Variants in SYNE1 observed in about 807,000 individuals in gnomAD.
The protein encoded by SYNE1 is spectrin repeat containing nuclear envelope protein 1.
Under a neutral mutation model 1,111.0 loss-of-function variants are expected in SYNE1, and 616 were observed. That is an observed-to-expected ratio of 0.55 (90% CI 0.52 to 0.59). SYNE1 has a LOEUF of 0.59. SYNE1 is among the 20% of genes least tolerant of loss of function. The pLI is 0.00. For synonymous variants in SYNE1, 3,855 were observed against 3,825.8 expected, an observed-to-expected ratio of 1.01 and a Z score of -0.28; for missense variants, 10,006 against 10,417.0, an observed-to-expected ratio of 0.96 and a Z score of 1.72.
intron 93 of SYNE1, among the ~76,000 whole-genome samples, chr6:152,294,712 A>T (rs1043211194): frequency 2.6e-5 from 4 of 152,214 alleles, no homozygotes; most frequent in Non-Finnish European, 5.9e-5. Flanking sequence ...TGCATTTCCT[A>T]AAAGTATACA....
At chr6:152,312,988 C>T (rs9479290) in intron 87 of SYNE1, among the ~76,000 whole-genome samples, 6,277 of 152,126 alleles carry the variant, frequency 0.041, 435 homozygotes, top group African/African-American at 0.14. Flanking sequence ...GATGAAAGAA[C>T]GGCTACTCCA....
At chr6:152,201,146 T>C (rs750241387) in intron 127 of SYNE1, among the ~76,000 whole-genome samples, 4 of 152,190 alleles carry the variant, frequency 2.6e-5, no homozygotes, top group Admixed American at 6.5e-5. Context: ...GATCAGCCTA[T>C]TGCTCAGCAA....
intron 18 of SYNE1, among the ~76,000 whole-genome samples, chr6:152,464,239 A>T (rs2098751696): frequency 6.6e-6 from 1 of 152,228 alleles, no homozygotes. Context: ...GTATGTGTGC[A>T]CACGCACACA....
intron 6 of SYNE1, among the ~76,000 whole-genome samples, chr6:152,516,865 T>C (rs145344439): frequency 2.0e-5 from 3 of 152,244 alleles, no homozygotes; most frequent in African/African-American, 4.8e-5. Context: ...GGATTAGAGG[T>C]GTGAGCCACT....
chr6:152,358,875 A>C (rs1349936082), intron 65 of SYNE1, among the ~76,000 whole-genome samples: 2 of 152,212 alleles, frequency 1.3e-5, no homozygotes, highest in African/African-American at 4.8e-5. Context: ...TGTGCCTTAA[A>C]TGAAGATTTG....
intron 3 of SYNE1, among the ~76,000 whole-genome samples, chr6:152,604,602 C>T (rs1469035331): frequency 6.6e-6 from 1 of 152,050 alleles, no homozygotes; most frequent in African/African-American, 2.4e-5. Flanking sequence ...CTGTGCCCAT[C>T]CCAGCTATTT....
intron 70 of SYNE1, among the ~76,000 whole-genome samples, chr6:152,351,034 T>C (rs1184310344): frequency 6.6e-6 from 1 of 152,204 alleles, no homozygotes; most frequent in Non-Finnish European, 1.5e-5. Flanking sequence ...CTAAATTAAA[T>C]ATAGTTTATA....
Position 152,234,087 on chromosome 6 carries a change from C to CA in SYNE1, c.20530-125dup. The CA allele has an allele frequency of 2.9e-6, 3 of 1,052,622 alleles. No homozygotes were observed. The South Asian group carries it at 4.1e-5, about 14-fold the overall frequency. 65.2% of individuals were successfully genotyped at this position (1,052,622 alleles called of 1,614,324 possible). A position where few individuals can be genotyped will look rare whatever the true frequency, so the allele number is the denominator to read the frequency against. On this transcript the variant is annotated intron_variant, in intron 111 of 145. Coordinates refer to ENST00000367255, the MANE Select transcript of SYNE1 (RefSeq NM_182961.4). The stretch of plus-strand genomic sequence containing the variant: ...CCTGGAGGGGGTTATGCTGAACACT[C>CA]AAAAGAAAATGAAAGCAGTACACCC...
intron 87 of SYNE1, 37 bp from the exon 88 acceptor site, chr6:152,310,910 C>T: frequency 6.3e-7 from 1 of 1,596,086 alleles, no homozygotes; most frequent in East Asian, 2.2e-5. Context: ...CATTGACGGG[C>T]AGGTAGAGGG....
rs1328758840 is a variant in SYNE1 at position 152,148,786 on chromosome 6, A to G, written c.24643-408T>C. Among the ~76,000 whole-genome samples the G allele has an allele frequency of 1.3e-5, 2 of 151,956 alleles. No homozygotes were observed. Among genetic ancestry groups the G allele is most frequent in the African/African-American group, 2.4e-5 (1 of 41,382 alleles). ...TTAAAACATACTTCAAATAATTAAT[A>G]TAAGATTAAATAAATATTATAAAGA... is the stretch of plus-strand genomic sequence containing the variant. On this transcript the variant is annotated intron_variant, in intron 136 of 145. Transcript: ENST00000367255. This position sits in a 1 kb window ranked among gnomAD's most constrained non-coding sequence, Gnocchi z 4.1.
chr6:152,321,506 A>C (rs1463801758), intron 83 of SYNE1, 116 bp from the exon 84 acceptor site: 2 of 1,349,774 alleles, frequency 1.5e-6, no homozygotes, highest in African/African-American at 1.5e-5. Flanking sequence ...AAAATATCTT[A>C]ATACAACATT....
At position 152,525,983 on chromosome 6, in the gene SYNE1, T is replaced by C; in HGVS notation, c.225+97A>G. On this transcript the variant is annotated intron_variant, in intron 5 of 145. Coordinates refer to ENST00000367255, the MANE Select transcript of SYNE1 (RefSeq NM_182961.4). Reference sequence around the variant, plus strand: ...ACCAACCACGACAAATAACTTTCTTTTACCTGGGCAGCACATCTTAGCACT... The same window carrying C: ...ACCAACCACGACAAATAACTTTCTTCTACCTGGGCAGCACATCTTAGCACT... 2.7e-6 allele frequency: 3 copies of C among 1,112,064 alleles called. No individual in the cohort carries two copies. In the East Asian group the frequency reaches 7.3e-5, roughly 27 times the overall value. 68.9% of individuals were successfully genotyped at this position (1,112,064 alleles called of 1,614,324 possible).
chr6:152,179,884 C>T (rs1417161901), intron 129 of SYNE1, among the ~76,000 whole-genome samples: 1 of 151,704 alleles, frequency 6.6e-6, no homozygotes, highest in African/African-American at 2.4e-5. Flanking sequence ...AGGGTTTCAC[C>T]ATGTTGGCCA....
At position 152,216,151 on chromosome 6, in the gene SYNE1, T is replaced by C. The variant is rs186015127; in HGVS notation, c.22192-1091A>G. 9.3e-4 allele frequency among the ~76,000 whole-genome samples: 142 copies of C among 152,340 alleles called. 2 individuals are homozygous for C. The highest frequency in any genetic ancestry group is 3.4e-3 in the Middle Eastern group (1 of 294). Reference sequence around the variant, plus strand: ...CTTTGCATGTTCTGCAAAAGACTCATGTTTTTTGAAGAAAGAATAAATCTC... The same window carrying C: ...CTTTGCATGTTCTGCAAAAGACTCACGTTTTTTGAAGAAAGAATAAATCTC... On this transcript the variant is annotated intron_variant, in intron 121 of 145. Coordinates refer to ENST00000367255, the MANE Select transcript of SYNE1 (RefSeq NM_182961.4).
intron 63 of SYNE1, among the ~76,000 whole-genome samples, chr6:152,364,039 T>C (rs941890216): frequency 2.0e-5 from 3 of 152,146 alleles, no homozygotes; most frequent in African/African-American, 7.2e-5. Flanking sequence ...AGGGACCCAA[T>C]GGGAGGTAAT....
At chr6:152,387,509 T>C (rs1301899615) in intron 53 of SYNE1, 128 bp from the exon 54 acceptor site, 4 of 957,878 alleles carry the variant, frequency 4.2e-6, no homozygotes, top group Non-Finnish European at 6.4e-6. Flanking sequence ...AAAATGTTGC[T>C]TTTGAGTGCA....
At position 152,122,411 on chromosome 6, in the gene SYNE1, C is replaced by A. The variant is rs771432556; in HGVS notation, c.*25G>T. 6.2e-7 allele frequency: 1 copy of A among 1,613,908 alleles called. No homozygotes were observed. The highest frequency in any genetic ancestry group is 8.5e-7 in the Non-Finnish European group (1 of 1,180,058). ...CCCGATCCTCCTTATGCTACCAGCACTTCTGCAGATGGCATCTGCTTAGTT... is the reference window on the plus strand; with the variant it reads ...CCCGATCCTCCTTATGCTACCAGCAATTCTGCAGATGGCATCTGCTTAGTT... On this transcript the variant is annotated 3_prime_UTR_variant, in exon 146 of 146. Transcript: ENST00000367255.
intron 130 of SYNE1, among the ~76,000 whole-genome samples, chr6:152,168,580 A>C (rs1335048820): frequency 6.6e-6 from 1 of 152,246 alleles, no homozygotes. Context: ...GCAGTTTGTT[A>C]TGCTGGGAAA....
chr6:152,325,960 T>C lies in SYNE1; in HGVS notation c.15436A>G (p.Lys5146Glu). The C allele has an allele frequency of 6.2e-7, 1 of 1,614,206 alleles. No homozygotes were observed. Among genetic ancestry groups the C allele is most frequent in the Non-Finnish European group, 8.5e-7 (1 of 1,180,028 alleles). The change falls in exon 80 of 146, where the codon AAG (lysine) becomes GAG (glutamate). Residue 5146 changes from lysine to glutamate, a missense_variant and splice_region_variant. By Grantham distance (56) the Lys-to-Glu change is moderately conservative. Coordinates refer to ENST00000367255, the MANE Select transcript of SYNE1 (RefSeq NM_182961.4). ...TTTAAATGGCCCAAAACTCTGACCT[T>C]GTGTTCTGACAATTTTTCTTCCGCT... ...HEAEEKLSEH[K>E]ALVSVVNSFH...
Sources: gnomAD v4.1 joint callset for allele counts (sites outside exome capture counted in the v4.1 genomes callset) on GRCh38, gnomAD v4.1.1 for gene constraint, Gnocchi (gnomAD v3.1) non-coding constraint, MANE v1.5 for transcripts, NCBI Gene and HGNC (gene_info 2026-07-23, HGNC 2026-07-21) for gene names.